Variants in DPP10 observed in about 807,000 individuals in gnomAD.
DPP10 encodes inactive dipeptidyl peptidase 10.
Under a neutral mutation model 120.9 loss-of-function variants are expected in DPP10, and 33 were observed. The ratio of observed to expected loss-of-function variants is 0.27; its 90% CI spans 0.21 to 0.37. DPP10 has a LOEUF of 0.37. DPP10 is among the 10% of genes least tolerant of loss of function. The pLI, the probability that DPP10 is intolerant of heterozygous loss-of-function variation, is 1.00. For synonymous variants in DPP10, 337 were observed against 326.1 expected (o/e 1.03, Z -0.36); for missense variants, 816 against 942.8 (o/e 0.87, Z 1.76).
At chr2:115,250,735 T>C (rs879943534) in intron 1 of DPP10, among the ~76,000 whole-genome samples, 8 of 152,154 alleles carry the variant, frequency 5.3e-5, no homozygotes, top group Non-Finnish European at 1.2e-4. Context: ...GAAAGAGTGC[T>C]TGAGTGGTAT....
chr2:114,739,905 A>G (rs1214924009), intron 1 of DPP10, among the ~76,000 whole-genome samples: 1 of 152,098 alleles, frequency 6.6e-6, no homozygotes, highest in African/African-American at 2.4e-5. Context: ...GTAAACTATC[A>G]CCAGGTCATT....
At chr2:114,813,737 A>G (rs1466076295) in intron 1 of DPP10, among the ~76,000 whole-genome samples, 2 of 150,110 alleles carry the variant, frequency 1.3e-5, no homozygotes, top group Non-Finnish European at 3.0e-5. Flanking sequence ...TTTTCACTGT[A>G]CAGTTTTAGT....
At chr2:114,518,877 A>G (rs1684819427) in intron 1 of DPP10, among the ~76,000 whole-genome samples, 1 of 152,158 alleles carries the variant, frequency 6.6e-6, no homozygotes, top group Admixed American at 6.5e-5. Context: ...ACTGTGTTTC[A>G]TGGAGCTGTA....
chr2:115,131,770 C>G (rs911401959), intron 1 of DPP10: 1 of 152,016 alleles, frequency 6.6e-6, no homozygotes, highest in Non-Finnish European at 1.5e-5. Context: ...GATCCTGAGG[C>G]CTACAGGTAT....
intron 5 of DPP10, among the ~76,000 whole-genome samples, chr2:115,677,044 A>G: frequency 6.6e-6 from 1 of 152,190 alleles, no homozygotes; most frequent in Non-Finnish European, 1.5e-5. Context: ...AATTCAGGGA[A>G]AAACAGACAA....
chr2:114,853,225 A>G (rs1233234853), intron 1 of DPP10, among the ~76,000 whole-genome samples: 1 of 152,144 alleles, frequency 6.6e-6, no homozygotes, highest in Non-Finnish European at 1.5e-5. Flanking sequence ...ATGTTTTATA[A>G]CTTGATTGAG....
chr2:114,827,788 G>A (rs7589465), intron 1 of DPP10, among the ~76,000 whole-genome samples: 2,983 of 152,210 alleles, frequency 0.02, 98 homozygotes, highest in African/African-American at 0.067. Flanking sequence ...AATTTTGTGA[G>A]GATTCAAAGG....
intron 3 of DPP10, among the ~76,000 whole-genome samples, chr2:115,486,128 C>T (rs539991609): frequency 3.3e-5 from 5 of 152,118 alleles, no homozygotes; most frequent in African/African-American, 9.6e-5. Context: ...ATTTTAAAAT[C>T]GGAAAATATA....
chr2:115,457,130 A>G (rs1267262350), intron 3 of DPP10, among the ~76,000 whole-genome samples: 1 of 152,082 alleles, frequency 6.6e-6, no homozygotes, highest in Non-Finnish European at 1.5e-5. Context: ...TTTATGGCCA[A>G]TTAATTTAAA....
chr2:114,465,707 T>G (rs2104586730), intron 1 of DPP10, among the ~76,000 whole-genome samples: 1 of 152,360 alleles, frequency 6.6e-6, no homozygotes, highest in East Asian at 1.9e-4. Flanking sequence ...CTTTTATTAT[T>G]TGTAATTAAG....
chr2:115,580,318 G>A (rs552057133), intron 5 of DPP10: 85 of 152,226 alleles, frequency 5.6e-4, no homozygotes, highest in African/African-American at 2.0e-3. Flanking sequence ...AGCAGCTTTA[G>A]AAATGCTATT....
chr2:115,837,841 CA>C (rs10716487), intron 24 of DPP10, among the ~76,000 whole-genome samples: 23,978 of 131,968 alleles, frequency 0.18, 2,155 homozygotes, highest in African/African-American at 0.27. Context: ...TTGGGGTAAT[CA>C]AAAAAAAAAA....
chr2:115,080,802 G>C (rs911392355), intron 1 of DPP10, among the ~76,000 whole-genome samples: 3 of 152,092 alleles, frequency 2.0e-5, no homozygotes, highest in African/African-American at 7.2e-5. Flanking sequence ...TCATCTCTTA[G>C]AATGACTTTA....
intron 1 of DPP10, among the ~76,000 whole-genome samples, chr2:114,684,034 C>T (rs1699206528): frequency 6.6e-6 from 1 of 151,998 alleles, no homozygotes; most frequent in Admixed American, 6.6e-5. Flanking sequence ...CAAAGATTCT[C>T]ACTGCCTCAG....
At chr2:115,271,511 T>C (rs1365591244) in intron 1 of DPP10, among the ~76,000 whole-genome samples, 1 of 152,266 alleles carries the variant, frequency 6.6e-6, no homozygotes. Flanking sequence ...TTTTTTCTTA[T>C]TGCTTGCAGA....
intron 1 of DPP10, among the ~76,000 whole-genome samples, chr2:114,818,354 A>G (rs1685810020): frequency 6.6e-6 from 1 of 152,160 alleles, no homozygotes; most frequent in Non-Finnish European, 1.5e-5. Flanking sequence ...AAGTAACTAT[A>G]TGTTGAACTC....
intron 1 of DPP10, among the ~76,000 whole-genome samples, chr2:114,876,628 A>G (rs1457740825): frequency 1.3e-5 from 2 of 152,034 alleles, no homozygotes; most frequent in African/African-American, 2.4e-5. Flanking sequence ...TTTACCAGCT[A>G]CTCAAGCCCT....
chr2:114,680,725 T>A (rs2105704653), intron 1 of DPP10, among the ~76,000 whole-genome samples: 1 of 152,090 alleles, frequency 6.6e-6, no homozygotes, highest in East Asian at 1.9e-4. Context: ...AAGTTCACTC[T>A]TTTCAAGGTT....
At chr2:115,238,921 A>T (rs1001058208) in intron 1 of DPP10, among the ~76,000 whole-genome samples, 1 of 152,158 alleles carries the variant, frequency 6.6e-6, no homozygotes, top group Non-Finnish European at 1.5e-5. Context: ...GCTGAGGAGC[A>T]AGGAAGCCAG....
Sources: gnomAD v4.1 joint callset for allele counts (sites outside exome capture counted in the v4.1 genomes callset) on GRCh38, gnomAD v4.1.1 for gene constraint, MANE v1.5 for transcripts, NCBI Gene and HGNC (gene_info 2026-07-23, HGNC 2026-07-21) for gene names.